The following CPA5 variants were observed in gnomAD, a reference collection of about 807,000 sequenced individuals.
The protein encoded by CPA5 is testicular tissue protein Li 32.
A neutral mutation model predicts 52.2 loss-of-function variants in CPA5; 38 were observed. The ratio of observed to expected loss-of-function variants is 0.73; its 90% confidence interval spans 0.56 to 0.95. CPA5 has a LOEUF of 0.95. Among genes scored for constraint, CPA5 ranks in the 40% least tolerant of loss-of-function variants. The probability of loss-of-function intolerance (pLI) is 0.00; values close to 1 mark genes in which losing one functional copy is unlikely to be tolerated. For synonymous variants in CPA5, 198 were observed against 213.7 expected, an observed-to-expected ratio of 0.93 and a Z score of 0.64; for missense variants, 519 against 566.7, an observed-to-expected ratio of 0.92 and a Z score of 0.86.
Position 130,368,484 on chromosome 7 carries a change from G to A in CPA5, c.1198G>A (p.Asp400Asn). 1 of 1,614,158 alleles carries A rather than the reference G, an allele frequency of 6.2e-7. No homozygotes were observed. Among genetic ancestry groups the A allele is most frequent in the South Asian group, 1.1e-5 (1 of 91,082 alleles). Reference protein sequence around the residue: ...IKYAFSFELRDTGQYGFLLPA... With the variant: ...IKYAFSFELRNTGQYGFLLPA... ...GTACGCCTTCAGCTTTGAGCTCCGGGACACTGGGCAGTATGGCTTCCTGCT... is the reference window on the plus strand; with the variant it reads ...GTACGCCTTCAGCTTTGAGCTCCGGAACACTGGGCAGTATGGCTTCCTGCT... The change falls in exon 13 of 13, where the codon GAC becomes AAC. Residue 400 changes from aspartate to asparagine, a missense_variant. Asp to Asn is a conservative substitution (Grantham distance 23, BLOSUM62 1). Coordinates refer to ENST00000474905, the MANE Select transcript of CPA5 (RefSeq NM_080385.5).
downstream of CPA5, chr7:130,368,869 G>A: frequency 2.2e-6 from 1 of 462,672 alleles, no homozygotes; most frequent in Non-Finnish European, 3.8e-6. Flanking sequence ...AGGAAAATAA[G>A]GGGGTAGAGG....
Position 130,345,049 on chromosome 7 carries a change from G to C in CPA5, c.-308G>C, listed in dbSNP as rs575031985. 14 of 152,280 alleles carry C rather than the reference G, an allele frequency of 9.2e-5. No homozygotes were observed. Among genetic ancestry groups the C allele is most frequent in the African/African-American group, 3.1e-4 (13 of 41,546 alleles). The allele number at this position is 152,280 out of a possible 1,614,324, so 9.4% of individuals were successfully genotyped here. A position where few individuals can be genotyped will look rare whatever the true frequency, so the allele number is the denominator to read the frequency against. ...ACACCCTTTTATCTCCATTGCTACT[G>C]AAGCTGAATGTTACTTGGGTGGAAA... On this transcript the variant is annotated 5_prime_UTR_variant, in exon 1 of 13. Coordinates refer to ENST00000474905, the MANE Select transcript of CPA5 (RefSeq NM_080385.5).
chr7:130,358,850 C>G (rs1307078286), intron 5 of CPA5, among the ~76,000 whole-genome samples: 4 of 152,216 alleles, frequency 2.6e-5, no homozygotes, highest in Non-Finnish European at 5.9e-5. Flanking sequence ...TTATACTGCC[C>G]TCTGTATGGG....
At chr7:130,364,032 G>A (rs1383149660) in intron 10 of CPA5, among the ~76,000 whole-genome samples, 2 of 151,956 alleles carry the variant, frequency 1.3e-5, no homozygotes, top group Admixed American at 6.6e-5. Flanking sequence ...TTTTTTTCTT[G>A]TTTTCTTTTT....
chr7:130,363,432 G>A lies in CPA5; in HGVS notation c.761G>A (p.Arg254Gln), dbSNP rs782695307. ...GGGCTTTCCCAGAACCGCTTATGGC[G>A]GAAGAACAAGTCCATCAGACCTGGA... is the stretch of plus-strand genomic sequence containing the variant. ...AFTHSMNRLWRKNKSIRPGIF... is the reference protein window; with the variant it reads ...AFTHSMNRLWQKNKSIRPGIF... Residue 254 changes from arginine (R) to glutamine (Q), a missense_variant, in exon 10 of 13, where the codon CGG becomes CAG. Transcript: ENST00000474905. 3.9e-5 allele frequency: 61 copies of A among 1,572,298 alleles called. No individual in the cohort carries two copies. In the Admixed American group the frequency reaches 5.3e-4, roughly 14 times the overall value.
intron 7 of CPA5, 94 bp downstream of exon 7, chr7:130,361,338 G>A (rs1186452484): frequency 6.0e-5 from 52 of 861,538 alleles, no homozygotes; most frequent in Non-Finnish European, 9.4e-5. Flanking sequence ...CGGGAGTTTT[G>A]CGGAGAAGGA....
Position 130,359,586 on chromosome 7 carries a change from C to G in CPA5, c.334-3C>G. ...TTTCCAATATGTGTTCCCCATCACCCAGGTGCTGCTGGATGAGGAAAGACA... is the reference window on the plus strand; with the variant it reads ...TTTCCAATATGTGTTCCCCATCACCGAGGTGCTGCTGGATGAGGAAAGACA... On this transcript the variant is annotated splice_region_variant and splice_polypyrimidine_tract_variant and intron_variant, in intron 5 of 12. Transcript: ENST00000474905. 6.4e-7 allele frequency: 1 copy of G among 1,557,662 alleles called. No homozygotes were observed. Among genetic ancestry groups the G allele is most frequent in the East Asian group, 2.4e-5 (1 of 41,968 alleles).
At chr7:130,350,933 C>T (rs531062231) in intron 5 of CPA5, among the ~76,000 whole-genome samples, 4 of 152,314 alleles carry the variant, frequency 2.6e-5, no homozygotes, top group East Asian at 1.9e-4. Flanking sequence ...TGCTGCTGGC[C>T]GTGTACCTGT....
downstream of CPA5, chr7:130,368,826 G>T (rs928232726): frequency 1.2e-4 from 65 of 559,584 alleles, no homozygotes; most frequent in Middle Eastern, 4.7e-4. Context: ...CCTGAAATGT[G>T]GGGGAAGCCT....
chr7:130,363,877 C>G (rs1397192346), intron 10 of CPA5, among the ~76,000 whole-genome samples: 1 of 152,158 alleles, frequency 6.6e-6, no homozygotes, highest in Non-Finnish European at 1.5e-5. Context: ...GTTTATGGTG[C>G]TCCTAAAATA....
At chr7:130,368,832 A>G, downstream of CPA5, 1 of 556,200 alleles carries the variant, frequency 1.8e-6, no homozygotes, top group South Asian at 2.3e-5. Context: ...ATGTGGGGGA[A>G]GCCTCTGCAC....
chr7:130,361,380 A>G (rs1354041183), intron 7 of CPA5, 136 bp downstream of exon 7: 10 of 643,628 alleles, frequency 1.6e-5, no homozygotes, highest in Admixed American at 2.6e-5. Flanking sequence ...CAGGTGACCC[A>G]TAAACTTTGG....
intron 11 of CPA5, 41 bp downstream of exon 11, chr7:130,367,612 T>A: frequency 6.4e-7 from 1 of 1,559,994 alleles, no homozygotes; most frequent in Non-Finnish European, 8.8e-7. Flanking sequence ...AGAGACCGCT[T>A]CACAGGAAAA....
intron 10 of CPA5, among the ~76,000 whole-genome samples, chr7:130,365,073 T>C (rs1007152698): frequency 6.6e-6 from 1 of 152,226 alleles, no homozygotes; most frequent in African/African-American, 2.4e-5. Context: ...TAGAACATTT[T>C]AGATCTGGAT....
chr7:130,369,625 TTGTGTGTGTGCGTG>T (rs1181726690), downstream of CPA5, among the ~76,000 whole-genome samples: 1 of 151,794 alleles, frequency 6.6e-6, no homozygotes, highest in Non-Finnish European at 1.5e-5. Flanking sequence ...GTGTGTGTGT[TTGTGTGTGTGCGTG>T]TGTGTGTGTG....
intron 5 of CPA5, among the ~76,000 whole-genome samples, chr7:130,354,990 G>A (rs1303157182): frequency 6.6e-6 from 1 of 152,168 alleles, no homozygotes; most frequent in African/African-American, 2.4e-5. Context: ...AAAGATTGCA[G>A]GAGAAGCCAG....
Position 130,368,618 on chromosome 7 carries a change from G to A in CPA5, c.*21G>A, listed in dbSNP as rs1473622316. On this transcript the variant is annotated 3_prime_UTR_variant, in exon 13 of 13. Transcript: ENST00000474905. ...ACTAGCAGCACGACTGAGGGCAGGA[G>A]GCTCCATCCTTCTCCCCAAGGTCTG... 1 of 1,612,932 alleles carries A rather than the reference G, an allele frequency of 6.2e-7. No homozygotes were observed. The highest frequency in any genetic ancestry group is 8.5e-7 in the Non-Finnish European group (1 of 1,179,610).
At chr7:130,347,354 G>A (rs1182594622) in intron 3 of CPA5, among the ~76,000 whole-genome samples, 7 of 152,316 alleles carry the variant, frequency 4.6e-5, no homozygotes, top group African/African-American at 1.4e-4. Context: ...GCCCCCTCGC[G>A]AAGAGCCCTT....
intron 9 of CPA5, 95 bp from the exon 10 acceptor site, chr7:130,363,324 C>A: frequency 2.9e-6 from 3 of 1,022,880 alleles, no homozygotes; most frequent in South Asian, 1.5e-5. Flanking sequence ...CCCTGCCCCA[C>A]TAGGGTCCCC....
Sources: gnomAD v4.1 joint callset for allele counts (sites outside exome capture counted in the v4.1 genomes callset) on GRCh38, gnomAD v4.1.1 for gene constraint, MANE v1.5 for transcripts, NCBI Gene and HGNC (gene_info 2026-07-23, HGNC 2026-07-21) for gene names.